COL5A2: variants seen among roughly 807,000 people sequenced by gnomAD.
COL5A2 encodes collagen alpha-2(V) chain.
COL5A2 carries 23 observed loss-of-function variants against 208.2 expected under a neutral mutation model. That is an observed-to-expected ratio of 0.11 (90% CI 0.08 to 0.16). The LOEUF (loss-of-function observed/expected upper bound fraction) is 0.16. COL5A2 is among the 10% of genes least tolerant of loss of function. The probability of loss-of-function intolerance (pLI) is 1.00; values close to 1 mark genes in which losing one functional copy is unlikely to be tolerated. For missense variants in COL5A2, 1,590 were observed against 1,956.4 expected (o/e 0.81, Z 3.53); for synonymous variants, 625 against 628.5 (o/e 0.99, Z 0.08).
At chr2:189,138,591 G>A (rs980951907) in intron 1 of COL5A2, among the ~76,000 whole-genome samples, 5 of 152,094 alleles carry the variant, frequency 3.3e-5, no homozygotes, top group Non-Finnish European at 5.9e-5. Context: ...CCAGATTGTG[G>A]TTTCTGATAG....
At chr2:189,193,561 C>G (rs552993049) in intron 1 of COL5A2, among the ~76,000 whole-genome samples, 1 of 152,266 alleles carries the variant, frequency 6.6e-6, no homozygotes, top group South Asian at 2.1e-4. Flanking sequence ...AACAATACCC[C>G]ACTGAATTCT....
chr2:189,431,405 A>G, the COL5A2 span, among the ~76,000 whole-genome samples: 122,143 of 152,092 alleles, frequency 0.8, 50,519 homozygotes, highest in Non-Finnish European at 0.91. Context: ...CCGATCTAAA[A>G]GAGCATGTTT....
chr2:189,117,856 T>C (rs985299449), intron 1 of COL5A2, among the ~76,000 whole-genome samples: 1 of 152,132 alleles, frequency 6.6e-6, no homozygotes, highest in African/African-American at 2.4e-5. Context: ...ATATAATTTA[T>C]TTTGCTTCCT....
chr2:189,377,926 T>C, the COL5A2 span, among the ~76,000 whole-genome samples: 1 of 152,204 alleles, frequency 6.6e-6, no homozygotes, highest in Middle Eastern at 3.2e-3. Flanking sequence ...GGACCCAAAG[T>C]GCACTTATTG....
At position 189,039,446 on chromosome 2, in the gene COL5A2, A is replaced by G. The variant is rs369175026; in HGVS notation, c.3751T>C (p.Phe1251Leu). Residue 1251 changes from phenylalanine (F) to leucine (L), a missense_variant, in exon 51 of 54, where the codon TTT becomes CTT. By Grantham distance (22) the Phe-to-Leu change is conservative (BLOSUM62 0). Coordinates refer to ENST00000374866, the MANE Select transcript of COL5A2 (RefSeq NM_000393.5). ...TCAGGAGCCGCCTGATCTTCAGTAA[A>G]CTCAGGAAGTGGATCTGGCATGCTT... Reference protein sequence around the residue: ...DESMPDPLPEFTEDQAAPDDK... With the variant: ...DESMPDPLPELTEDQAAPDDK... 1.9e-6 allele frequency: 3 copies of G among 1,613,702 alleles called. No homozygotes were observed. Among genetic ancestry groups the G allele is most frequent in the African/African-American group, 1.3e-5 (1 of 74,796 alleles).
intron 1 of COL5A2, among the ~76,000 whole-genome samples, chr2:189,158,629 A>G (rs1688301057): frequency 6.6e-6 from 1 of 152,108 alleles, no homozygotes; most frequent in African/African-American, 2.4e-5. Context: ...CCACAGTACC[A>G]GATTCAGTAT....
chr2:189,033,772 C>T lies in COL5A2; in HGVS notation c.*298G>A, dbSNP rs7586. 20,688 of 396,392 alleles carry T rather than the reference C, an allele frequency of 0.052. 781 individuals are homozygous for T. The highest frequency in any genetic ancestry group is 0.14 in the African/African-American group (6,824 of 49,450). 24.6% of individuals were successfully genotyped at this position (396,392 alleles called of 1,614,324 possible). The stretch of plus-strand genomic sequence containing the variant: ...TTACACTGAAATAAATTGAAGAAAA[C>T]GGAGATTTATTTATTCAATCAGTTT... On this transcript the variant is annotated 3_prime_UTR_variant, in exon 54 of 54. Transcript: ENST00000374866.
intron 17 of COL5A2, among the ~76,000 whole-genome samples, chr2:189,073,876 G>C (rs1686339096): frequency 6.6e-6 from 1 of 152,074 alleles, no homozygotes; most frequent in Non-Finnish European, 1.5e-5. Context: ...AAGTGTCCTT[G>C]ACTGAATAAT....
the COL5A2 span, among the ~76,000 whole-genome samples, chr2:189,290,892 T>A: frequency 2.0e-5 from 3 of 152,082 alleles, no homozygotes; most frequent in African/African-American, 7.2e-5. Flanking sequence ...CCTTGATGAA[T>A]TAAGAAGGCT....
At chr2:189,277,928 AAGG>A in the COL5A2 span, among the ~76,000 whole-genome samples, 1 of 152,118 alleles carries the variant, frequency 6.6e-6, no homozygotes, top group Admixed American at 6.6e-5. Context: ...GGGTGGGAAC[AAGG>A]AGGTCAATAG....
chr2:189,069,721 T>C (rs1032449143), intron 18 of COL5A2, among the ~76,000 whole-genome samples: 4 of 152,194 alleles, frequency 2.6e-5, no homozygotes, highest in Non-Finnish European at 5.9e-5. Context: ...TAAAATTTCA[T>C]ACCATCATTA....
chr2:189,378,447 G>T, the COL5A2 span, among the ~76,000 whole-genome samples: 1 of 152,140 alleles, frequency 6.6e-6, no homozygotes, highest in African/African-American at 2.4e-5. Context: ...AAAAGCGGCC[G>T]GGCGCGGTGG....
the COL5A2 span, among the ~76,000 whole-genome samples, chr2:189,356,087 T>C: frequency 6.6e-6 from 1 of 152,176 alleles, no homozygotes; most frequent in East Asian, 1.9e-4. Flanking sequence ...TTTAAGAATG[T>C]TGAATACTGA....
the COL5A2 span, among the ~76,000 whole-genome samples, chr2:189,292,868 T>C: frequency 9.1e-4 from 139 of 152,258 alleles, no homozygotes; most frequent in African/African-American, 2.9e-3. Flanking sequence ...TGTCCAGCAA[T>C]GATAGACTGG....
In COL5A2 at chr2:189,062,925, T is replaced by A. The variant is rs1686067001; in HGVS notation, c.1924-7A>T. The A allele has an allele frequency of 6.2e-7, 1 of 1,613,986 alleles. No homozygotes were observed. On this transcript the variant is annotated splice_polypyrimidine_tract_variant and splice_region_variant and intron_variant, in intron 28 of 53. Transcript: ENST00000374866. ...CATCTTTTCCAGGAGCTCCCTAGTA[T>A]CACACACAGATATTTGTGAGGTGAG...
At chr2:189,320,691 T>C in the COL5A2 span, among the ~76,000 whole-genome samples, 1 of 152,232 alleles carries the variant, frequency 6.6e-6, no homozygotes, top group Non-Finnish European at 1.5e-5. Flanking sequence ...TACGTCTGAT[T>C]GGTGTACCTG....
the COL5A2 span, among the ~76,000 whole-genome samples, chr2:189,243,383 T>C: frequency 6.6e-6 from 1 of 152,214 alleles, no homozygotes; most frequent in Non-Finnish European, 1.5e-5. Flanking sequence ...AAGGGTTTAA[T>C]GGACTTACAG....
intron 1 of COL5A2, 74 bp downstream of exon 1, chr2:189,179,434 C>T (rs1204753368): frequency 6.5e-7 from 1 of 1,529,214 alleles, no homozygotes; most frequent in Non-Finnish European, 8.9e-7. Flanking sequence ...TCACGCTCTT[C>T]CTGAGGCTTA....
the COL5A2 span, among the ~76,000 whole-genome samples, chr2:189,371,422 T>C: frequency 1.3e-5 from 2 of 152,048 alleles, no homozygotes; most frequent in Non-Finnish European, 2.9e-5. Flanking sequence ...CAGAAAAAGA[T>C]AGATAAGGGA....
Sources: gnomAD v4.1 joint callset for allele counts (sites outside exome capture counted in the v4.1 genomes callset) on GRCh38, gnomAD v4.1.1 for gene constraint, MANE v1.5 for transcripts, NCBI Gene and HGNC (gene_info 2026-07-23, HGNC 2026-07-21) for gene names.